Variants in CACNA1I observed in about 807,000 individuals in gnomAD.
The protein encoded by CACNA1I is voltage-dependent T-type calcium channel subunit alpha-1I.
Under a neutral mutation model 201.6 loss-of-function variants are expected in CACNA1I, and 74 were observed. That is an observed-to-expected ratio of 0.37 (90% CI 0.30 to 0.45). The LOEUF is 0.45. Ranked by LOEUF, CACNA1I falls within the 20% of genes least tolerant of loss-of-function variation. The probability of loss-of-function intolerance (pLI) is 1.00; values close to 1 mark genes in which losing one functional copy is unlikely to be tolerated. For missense variants in CACNA1I, 2,346 were observed against 3,138.1 expected, an observed-to-expected ratio of 0.75 and a Z score of 6.03; for synonymous variants, 1,431 against 1,345.2, an observed-to-expected ratio of 1.06 and a Z score of -1.40.
At chr22:39,683,811 GCGCCTGACCCGGGGCTGGGA>G (rs1438161439) in intron 35 of CACNA1I, among the ~76,000 whole-genome samples, 1 of 151,210 alleles carries the variant, frequency 6.6e-6, no homozygotes, top group Non-Finnish European at 1.5e-5. Flanking sequence ...ATCCAGTGTA[GCGCCTGACCCGGGGCTGGGA>G]CGCCCCAACC....
At chr22:39,657,359 C>A (rs1934855555) in intron 10 of CACNA1I, among the ~76,000 whole-genome samples, 1 of 152,178 alleles carries the variant, frequency 6.6e-6, no homozygotes. Context: ...GTCTGAATGT[C>A]CTCCTCCGAG....
chr22:39,642,392 T>A (rs1451740645), intron 6 of CACNA1I, among the ~76,000 whole-genome samples: 4 of 151,642 alleles, frequency 2.6e-5, no homozygotes, highest in African/African-American at 9.7e-5. Flanking sequence ...ACTCCCAGGC[T>A]CCACCGAGCT....
chr22:39,657,135 C>A (rs1934849344), intron 10 of CACNA1I, among the ~76,000 whole-genome samples: 1 of 152,218 alleles, frequency 6.6e-6, no homozygotes, highest in South Asian at 2.1e-4. Context: ...AAACCCGGAC[C>A]CCTCCAACTT....
chr22:39,588,482 T>C (rs1367604838), intron 1 of CACNA1I, among the ~76,000 whole-genome samples: 3 of 150,722 alleles, frequency 2.0e-5, no homozygotes, highest in African/African-American at 7.3e-5. Context: ...ACCTTCTGAG[T>C]TCACGCCATT....
At chr22:39,681,096 A>G in intron 34 of CACNA1I, 44 bp downstream of exon 34, 1 of 1,567,462 alleles carries the variant, frequency 6.4e-7, no homozygotes. Flanking sequence ...TCTGTCCTTG[A>G]AACCTGGCCC....
At position 39,649,956 on chromosome 22, in the gene CACNA1I, G is replaced by T; in HGVS notation, c.1992+31G>T. On this transcript the variant is annotated intron_variant, in intron 10 of 36. Transcript: ENST00000402142. The surrounding 1 kb of genome is among the most constrained non-coding windows in gnomAD (Gnocchi z 7.3). ...TGCAGCGCAGCCGGGCCGGGCCTGC[G>T]GGAGAGGTGTGAGGGCCCCAGGACC... The T allele has an allele frequency of 6.2e-7, 1 of 1,611,100 alleles. No homozygotes were observed. Among genetic ancestry groups the T allele is most frequent in the Non-Finnish European group, 8.5e-7 (1 of 1,178,600 alleles).
chr22:39,652,231 G>T (rs1238394495), intron 10 of CACNA1I, among the ~76,000 whole-genome samples: 2 of 152,144 alleles, frequency 1.3e-5, no homozygotes, highest in Non-Finnish European at 2.9e-5. Context: ...CCTGACCTCA[G>T]GTGATCTGCC....
chr22:39,686,163 GC>G lies in CACNA1I; in HGVS notation c.6435del (p.Gly2146AlafsTer126), dbSNP rs1481588284. ...CTTCTGCCCGCCGCCCCCGCCGCCA[GC>G]CCCCGGCCTCACGCCCGCCAGGAAG... The part of the protein sequence containing the change: ...SLFCPPPPPP[A>X]PGLTPARKFS... On this transcript the variant is annotated frameshift_variant, in exon 37 of 37. Coordinates refer to ENST00000402142, the MANE Select transcript of CACNA1I (RefSeq NM_021096.4). LOFTEE classifies it low-confidence loss of function (END_TRUNC). The G allele has an allele frequency of 1.3e-5, 17 of 1,264,930 alleles. No homozygotes were observed. Among genetic ancestry groups the G allele is most frequent in the South Asian group, 1.3e-4 (5 of 39,718 alleles). The allele number at this position is 1,264,930 out of a possible 1,614,324, so 78.4% of individuals were successfully genotyped here.
At chr22:39,580,855 G>T (rs1033840682) in intron 1 of CACNA1I, among the ~76,000 whole-genome samples, 2 of 152,350 alleles carry the variant, frequency 1.3e-5, no homozygotes, top group South Asian at 4.1e-4. Flanking sequence ...ACCGATGGAT[G>T]GATTGATCAC....
chr22:39,587,412 C>T (rs1932766972), intron 1 of CACNA1I, among the ~76,000 whole-genome samples: 2 of 152,282 alleles, frequency 1.3e-5, no homozygotes, highest in South Asian at 2.1e-4. Context: ...ATCTGCCTGG[C>T]AGGTCTCTTC....
intron 25 of CACNA1I, 58 bp from the exon 26 acceptor site, chr22:39,670,745 C>T: frequency 6.4e-7 from 1 of 1,565,268 alleles, no homozygotes; most frequent in East Asian, 2.2e-5. Context: ...TGCTCTGTGC[C>T]CTTTCCCTTG....
rs530651267 is a variant in CACNA1I, at chr22:39,656,537, G to A, written c.1993-1615G>A. ...TTACTGGGCTTTGGCCCCAGAGCAC[G>A]AGCTTCTCAAAGGCAGGGACGGTGC... On this transcript the variant is annotated intron_variant, in intron 10 of 36. Coordinates refer to ENST00000402142, the MANE Select transcript of CACNA1I (RefSeq NM_021096.4). 629 of 511,286 alleles carry A rather than the reference G, an allele frequency of 1.2e-3. 2 individuals carry two copies. The highest frequency in any genetic ancestry group is 2.0e-3 in the Non-Finnish European group (520 of 253,900). 31.7% of individuals were successfully genotyped at this position (511,286 alleles called of 1,614,324 possible).
chr22:39,638,117 G>A (rs2146416530), intron 5 of CACNA1I, among the ~76,000 whole-genome samples: 1 of 152,224 alleles, frequency 6.6e-6, no homozygotes, highest in Admixed American at 6.5e-5. Context: ...TTTTTGTATT[G>A]TTAGTAGAGA....
chr22:39,681,895 C>G (rs1935716840), intron 34 of CACNA1I, among the ~76,000 whole-genome samples: 1 of 152,132 alleles, frequency 6.6e-6, no homozygotes, highest in Non-Finnish European at 1.5e-5. Flanking sequence ...CTCCCCGCAC[C>G]CCTACACTGC....
intron 1 of CACNA1I, among the ~76,000 whole-genome samples, chr22:39,572,076 G>A (rs1171513663): frequency 1.3e-5 from 2 of 152,200 alleles, no homozygotes; most frequent in African/African-American, 4.8e-5. Flanking sequence ...AGAGGAGTGA[G>A]GTGAGGCTGC....
chr22:39,590,825 C>A (rs1170213909), intron 1 of CACNA1I, among the ~76,000 whole-genome samples: 3 of 152,176 alleles, frequency 2.0e-5, no homozygotes, highest in Admixed American at 6.6e-5. Context: ...ATTGCTAGGC[C>A]TGAATTGGTT....
rs1161624366 is a variant in CACNA1I at position 39,664,897 on chromosome 22, G to A, written c.3825G>A (p.Arg1275=). The A allele has an allele frequency of 1.2e-6, 2 of 1,612,536 alleles. No individual in the cohort carries two copies. Among genetic ancestry groups the A allele is most frequent in the African/African-American group, 2.7e-5 (2 of 74,906 alleles). The part of the protein sequence containing the change: ...AKILGVLRVL[R]LLRTLRPLRV... ...TCTTGGGGGTCCTCCGAGTCTTGCG[G>A]CTCCTGCGCACCCTACGCCCCCTGC... The change falls in exon 21 of 37, where the codon CGG becomes CGA. Residue 1275 remains arginine (R), a synonymous_variant. Coordinates refer to ENST00000402142, the MANE Select transcript of CACNA1I (RefSeq NM_021096.4).
At position 39,661,552 on chromosome 22, in the gene CACNA1I, A is replaced by G. The variant is rs375422926; in HGVS notation, c.2901+242A>G. Among the ~76,000 whole-genome samples the G allele has an allele frequency of 7.2e-5, 11 of 152,312 alleles. 1 individual carries two copies. Among genetic ancestry groups the G allele is most frequent in the Admixed American group, 2.0e-4 (3 of 15,306 alleles). On this transcript the variant is annotated intron_variant, in intron 16 of 36. Coordinates refer to ENST00000402142, the MANE Select transcript of CACNA1I (RefSeq NM_021096.4). ...AGAATTGGATTTTCATCTCAGCAACAATGTGTAGGGTAAAAAGAGCTGGGC... is the reference window on the plus strand; with the variant it reads ...AGAATTGGATTTTCATCTCAGCAACGATGTGTAGGGTAAAAAGAGCTGGGC...
chr22:39,659,415 C>T lies in CACNA1I; in HGVS notation c.2331-18C>T, dbSNP rs1934927479. The T allele has an allele frequency of 2.0e-6, 3 of 1,501,216 alleles. No individual in the cohort carries two copies. In the South Asian group the frequency reaches 3.6e-5, roughly 18 times the overall value. 93.0% of individuals were successfully genotyped at this position (1,501,216 alleles called of 1,614,324 possible). On this transcript the variant is annotated intron_variant, in intron 12 of 36. Transcript: ENST00000402142. This position sits in a 1 kb window ranked among gnomAD's most constrained non-coding sequence, Gnocchi z 4.3. The stretch of plus-strand genomic sequence containing the variant: ...TGGTGCATGTGAGTCCGATGAGCCT[C>T]TTCCATCCTTTCCCCAGCATCCTTG...
Sources: gnomAD v4.1 joint callset for allele counts (sites outside exome capture counted in the v4.1 genomes callset) on GRCh38, gnomAD v4.1.1 for gene constraint, Gnocchi (gnomAD v3.1) non-coding constraint, MANE v1.5 for transcripts, NCBI Gene and HGNC (gene_info 2026-07-23, HGNC 2026-07-21) for gene names.